The following PLEC variants were observed in gnomAD, a reference collection of about 807,000 sequenced individuals.
The protein encoded by PLEC is hemidesmosomal protein 1.
In PLEC, 216 loss-of-function variants were observed where a neutral mutation model predicts 392.8. The ratio of observed to expected loss-of-function variants is 0.55; its 90% CI spans 0.49 to 0.62. The LOEUF (loss-of-function observed/expected upper bound fraction) is 0.62. Ranked by LOEUF, PLEC falls within the 20% of genes least tolerant of loss-of-function variation. PLEC has a pLI of 0.00. For synonymous variants in PLEC, 3,621 were observed against 2,980.6 expected, an observed-to-expected ratio of 1.21 and a Z score of -7.00; for missense variants, 6,863 against 6,563.4, an observed-to-expected ratio of 1.05 and a Z score of -1.58.
chr8:143,931,636 G>A lies in PLEC; in HGVS notation c.2202C>T (p.Ala734=), dbSNP rs781814729. Residue 734 remains alanine (A), a synonymous_variant, in exon 19 of 32, where the codon GCC becomes GCT. Coordinates refer to ENST00000345136, the MANE Select transcript of PLEC (RefSeq NM_201384.3). The stretch of plus-strand genomic sequence containing the variant: ...CCTGCAGCTTCTGCAACTGCCCCTC[G>A]GCCTCCCGCACATCTGAGAAGAACT... The part of the protein sequence containing the change: ...YFQFFSDVRE[A]EGQLQKLQEA... 44 of 1,600,470 alleles carry A rather than the reference G, an allele frequency of 2.7e-5. No homozygotes were observed. The highest frequency in any genetic ancestry group is 1.6e-4 in the Middle Eastern group (1 of 6,064).
intron 1 of PLEC, chr8:143,945,353 A>G (rs555366454): frequency 2.8e-6 from 1 of 358,580 alleles, no homozygotes; most frequent in East Asian, 9.2e-5. Context: ...TCCACCCAGG[A>G]GTCCCGAAGC....
In PLEC at chr8:143,934,638, C is replaced by T; in HGVS notation, c.1038G>A (p.Leu346=). 1.9e-6 allele frequency: 3 copies of T among 1,613,060 alleles called. No homozygotes were observed. Among genetic ancestry groups the T allele is most frequent in the Admixed American group, 3.3e-5 (2 of 60,034 alleles). ...CCCCTCCAGCGGTCCCACTCACCTC[C>T]AGGGATTGGTAGATGCCCTTGGACC... The part of the protein sequence containing the change: ...KNRSKGIYQS[L]EGAVQAGQLK... The change falls in exon 10 of 32, where the codon CTG becomes CTA. Residue 346 remains leucine (L), a synonymous_variant. Coordinates refer to ENST00000345136, the MANE Select transcript of PLEC (RefSeq NM_201384.3).
Position 143,922,984 on chromosome 8 carries a change from C to T in PLEC, c.6945G>A (p.Lys2315=). The T allele has an allele frequency of 6.2e-7, 1 of 1,611,934 alleles. No individual in the cohort carries two copies. Among genetic ancestry groups the T allele is most frequent in the Non-Finnish European group, 8.5e-7 (1 of 1,179,532 alleles). Residue 2315 remains lysine, a synonymous_variant, in exon 31 of 32, where the codon AAG becomes AAA. Coordinates refer to ENST00000345136, the MANE Select transcript of PLEC (RefSeq NM_201384.3). ...GCGTGGCCTCCTGCACCGCCTGCAT[C>T]TTCTCCTTGAGCATCTTCTCTGCCA... is the stretch of plus-strand genomic sequence containing the variant. ...RALAEKMLKE[K]MQAVQEATRL...
chr8:143,961,363 T>C (rs1554740829), intron 1 of PLEC, among the ~76,000 whole-genome samples: 3 of 152,132 alleles, frequency 2.0e-5, no homozygotes, highest in African/African-American at 7.2e-5. Context: ...GTAGCGGGGA[T>C]TACAGGCGTG....
chr8:143,923,136 A>C lies in PLEC; in HGVS notation c.6793T>G (p.Phe2265Val), dbSNP rs1823498287. 1.2e-6 allele frequency: 2 copies of C among 1,603,124 alleles called. No individual in the cohort carries two copies. The highest frequency in any genetic ancestry group is 8.5e-7 in the Non-Finnish European group (1 of 1,179,820). ...ATCTTCTCAGCCTCCTCCTGCAGGAAGCGCTGCGTATTGTCCTTGTCACGC... is the reference window on the plus strand; with the variant it reads ...ATCTTCTCAGCCTCCTCCTGCAGGACGCGCTGCGTATTGTCCTTGTCACGC... ...ILRDKDNTQRFLQEEAEKMKQ... is the reference protein window; with the variant it reads ...ILRDKDNTQRVLQEEAEKMKQ... Residue 2265 changes from phenylalanine to valine, a missense_variant, in exon 31 of 32, where the codon TTC becomes GTC. Phe to Val is a conservative substitution (Grantham distance 50). Transcript: ENST00000345136.
In PLEC at chr8:143,919,774, C is replaced by G. The variant is rs202133975; in HGVS notation, c.10047G>C (p.Thr3349=). The change falls in exon 32 of 32, where the codon ACG becomes ACC. Residue 3349 remains threonine (T), a synonymous_variant. Coordinates refer to ENST00000345136, the MANE Select transcript of PLEC (RefSeq NM_201384.3). ...KDLSELGSVR[T]LLQGSGCLAG... ...CGAGGCAGCCACTGCCCTGCAGCAG[C>G]GTCCGCACGGAGCCCAGCTCCGAAA... 1.2e-6 allele frequency: 2 copies of G among 1,612,064 alleles called. No homozygotes were observed. The highest frequency in any genetic ancestry group is 3.3e-5 in the Admixed American group (2 of 60,012).
intron 1 of PLEC, chr8:143,944,784 C>T (rs1377263876): frequency 6.4e-6 from 7 of 1,088,084 alleles, no homozygotes; most frequent in South Asian, 8.1e-5. Flanking sequence ...AGGGCACGGC[C>T]GTGCTGCTGT....
chr8:143,937,741 C>A (rs1343253255), intron 3 of PLEC: 2 of 495,826 alleles, frequency 4.0e-6, no homozygotes, highest in Non-Finnish European at 7.9e-6. Context: ...GCAGGCACAG[C>A]CACTCACCAG....
upstream of PLEC, among the ~76,000 whole-genome samples, chr8:143,951,547 A>T (rs2132735634): frequency 6.6e-6 from 1 of 152,230 alleles, no homozygotes; most frequent in East Asian, 1.9e-4. Context: ...TCCAGGCCAG[A>T]TTAGGAGTGG....
chr8:143,954,580 G>A (rs182767060), upstream of PLEC, among the ~76,000 whole-genome samples: 2 of 152,262 alleles, frequency 1.3e-5, no homozygotes, highest in Non-Finnish European at 2.9e-5. This position sits in a 1 kb window ranked among gnomAD's most constrained non-coding sequence, Gnocchi z 4.6. Context: ...GGGACCCTTC[G>A]CAGCTGCTCT....
rs1310100219 is a variant in PLEC at position 143,946,380 on chromosome 8, T to C, written c.523+3804A>G. 4 of 1,288,768 alleles carry C rather than the reference T, an allele frequency of 3.1e-6. No homozygotes were observed. The African/African-American group carries it at 4.6e-5, about 15-fold the overall frequency. 79.8% of individuals were successfully genotyped at this position (1,288,768 alleles called of 1,614,324 possible). A position where few individuals can be genotyped will look rare whatever the true frequency, so the allele number is the denominator to read the frequency against. On this transcript the variant is annotated intron_variant, in intron 1 of 31. Transcript: ENST00000322810. ...CCCAGCTGAATCAGCTCCTCCATGCTGTACCTGTCCATGGCTGCCACACAG... is the reference window on the plus strand; with the variant it reads ...CCCAGCTGAATCAGCTCCTCCATGCCGTACCTGTCCATGGCTGCCACACAG...
Position 143,923,393 on chromosome 8 carries a change from C to T in PLEC, c.6536G>A (p.Arg2179Gln), listed in dbSNP as rs117962829. The T allele has an allele frequency of 5.2e-4, 843 of 1,610,650 alleles. 5 individuals carry two copies. The highest frequency in any genetic ancestry group is 2.6e-3 in the Admixed American group (155 of 59,930). ...KHKKFAEQTL[R>Q]QKAQVEQELT... Reference sequence around the variant, plus strand: ...CTCCTGCTCCACCTGCGCCTTCTGCCGCAGCGTCTGCTCGGCGAATTTCTT... The same window carrying T: ...CTCCTGCTCCACCTGCGCCTTCTGCTGCAGCGTCTGCTCGGCGAATTTCTT... The change falls in exon 31 of 32, where the codon CGG becomes CAG. Residue 2179 changes from arginine (R) to glutamine (Q), a missense_variant. Transcript: ENST00000345136.
Position 143,935,316 on chromosome 8 carries a change from G to A in PLEC, c.603-3C>T, listed in dbSNP as rs1554722288. 5 of 1,597,724 alleles carry A rather than the reference G, an allele frequency of 3.1e-6. 1 individual carries two copies. Among genetic ancestry groups the A allele is most frequent in the South Asian group, 1.1e-5 (1 of 90,792 alleles). On this transcript the variant is annotated splice_polypyrimidine_tract_variant and splice_region_variant and intron_variant, in intron 6 of 31. Transcript: ENST00000345136. ...TGTTCATGTCGATGAGCAGGGGCCT[G>A]GGACAAGCAGGTGGCTGGTCAGGTG...
rs781951805 is a variant in PLEC, at chr8:143,924,556, G to A, written c.5373C>T (p.Ala1791=). Residue 1791 remains alanine, a synonymous_variant, in exon 31 of 32, where the codon GCC becomes GCT. Coordinates refer to ENST00000345136, the MANE Select transcript of PLEC (RefSeq NM_201384.3). ...TSEKSKQRLE[A]EAGRFRELAE... is the part of the protein sequence containing the mutation. ...CCAGCTCGCGGAACCGGCCGGCCTC[G>A]GCCTCCAGCCTCTGCTTGGACTTCT... 71 of 1,544,428 alleles carry A rather than the reference G, an allele frequency of 4.6e-5. No homozygotes were observed. Among genetic ancestry groups the A allele is most frequent in the African/African-American group, 4.1e-4 (30 of 72,888 alleles).
At chr8:143,974,813 T>C (rs1833600439), upstream of PLEC, among the ~76,000 whole-genome samples, 1 of 152,184 alleles carries the variant, frequency 6.6e-6, no homozygotes, top group Non-Finnish European at 1.5e-5. The surrounding 1 kb of genome is among the most constrained non-coding windows in gnomAD (Gnocchi z 5.9). Flanking sequence ...GACAACCAGG[T>C]ACCCCCTCCC....
upstream of PLEC, among the ~76,000 whole-genome samples, chr8:143,941,481 GGAC>G (rs1830437074): frequency 6.6e-6 from 1 of 152,098 alleles, no homozygotes; most frequent in Non-Finnish European, 1.5e-5. Context: ...CTCCAGACAC[GGAC>G]TCGGGCAAGG....
chr8:143,919,249 C>T lies in PLEC; in HGVS notation c.10572G>A (p.Arg3524=). The T allele has an allele frequency of 6.2e-7, 1 of 1,614,020 alleles. No individual in the cohort carries two copies. The change falls in exon 32 of 32, where the codon AGG becomes AGA. Residue 3524 remains arginine, a synonymous_variant. Transcript: ENST00000345136. ...DPNTHENLTY[R]QLLERCVEDP... The stretch of plus-strand genomic sequence containing the variant: ...CCTCCACGCACCGCTCCAGCAGCTG[C>T]CTGTACGTGAGGTTCTCATGCGTGT...
At position 143,931,996 on chromosome 8, in the gene PLEC, T is replaced by A. The variant is rs1827418770; in HGVS notation, c.2119A>T (p.Met707Leu). ...QAALQTQWSW[M>L]LQLCCCIEAH... ...TCGATACAGCAGCACAGCTGTAGCA[T>A]CCAGCTCCACTGCGTCTGCAGGGCC... Residue 707 changes from methionine to leucine, a missense_variant, in exon 18 of 32, where the codon ATG (methionine) becomes TTG (leucine). Transcript: ENST00000345136. 6.2e-7 allele frequency: 1 copy of A among 1,607,468 alleles called. No homozygotes were observed. Among genetic ancestry groups the A allele is most frequent in the Non-Finnish European group, 8.5e-7 (1 of 1,178,302 alleles).
chr8:143,943,767 A>G (rs2132520502), upstream of PLEC: 1 of 1,609,974 alleles, frequency 6.2e-7, no homozygotes, highest in South Asian at 1.1e-5. Context: ...GGCAGCCACC[A>G]GCGGGGCTTA....
Sources: allele counts gnomAD v4.1 joint callset (sites outside exome capture counted in the v4.1 genomes callset), GRCh38; gene constraint gnomAD v4.1.1; non-coding constraint Gnocchi (gnomAD v3.1); transcripts MANE v1.5; gene names NCBI Gene and HGNC (gene_info 2026-07-23, HGNC 2026-07-21).